The following STARD13 variants were observed in gnomAD, a reference collection of about 807,000 sequenced individuals.
The protein encoded by STARD13 is stAR-related lipid transfer protein 13.
STARD13 carries 62 observed loss-of-function variants against 106.4 expected under a neutral mutation model. The ratio of observed to expected loss-of-function variants is 0.58; its 90% CI spans 0.48 to 0.72. The LOEUF (loss-of-function observed/expected upper bound fraction) is 0.72, where lower values mean the gene tolerates loss of function less well. STARD13 is among the 30% of genes least tolerant of loss of function. The probability of loss-of-function intolerance (pLI) is 0.00; values close to 1 mark genes in which losing one functional copy is unlikely to be tolerated. For synonymous variants in STARD13, 565 were observed against 553.0 expected (o/e 1.02, Z -0.31); for missense variants, 1,387 against 1,424.0 (o/e 0.97, Z 0.42).
chr13:33,648,157 A>C, the STARD13 span, among the ~76,000 whole-genome samples: 1 of 152,254 alleles, frequency 6.6e-6, no homozygotes, highest in Non-Finnish European at 1.5e-5. Context: ...AAAAAGGCAT[A>C]TTATATTATC....
the STARD13 span, among the ~76,000 whole-genome samples, chr13:33,602,884 C>A: frequency 1.3e-5 from 2 of 152,278 alleles, no homozygotes; most frequent in East Asian, 3.9e-4. Flanking sequence ...TCCCCCTGGT[C>A]CCCCAACCCC....
chr13:33,108,108 T>C (rs1468286725), intron 12 of STARD13, among the ~76,000 whole-genome samples: 2 of 152,186 alleles, frequency 1.3e-5, no homozygotes. Context: ...TTGGGATAAA[T>C]GGGAGAATCT....
At chr13:33,639,686 T>C in the STARD13 span, among the ~76,000 whole-genome samples, 2 of 152,256 alleles carry the variant, frequency 1.3e-5, no homozygotes, top group Non-Finnish European at 2.9e-5. Flanking sequence ...CTTACTCCTG[T>C]GCCAATCACC....
At chr13:33,600,602 T>C in the STARD13 span, among the ~76,000 whole-genome samples, 93 of 152,216 alleles carry the variant, frequency 6.1e-4, no homozygotes, top group Admixed American at 3.3e-4. Context: ...ACGGTATTCC[T>C]ATTCAATTTG....
At chr13:33,433,638 T>C in the STARD13 span, among the ~76,000 whole-genome samples, 2 of 152,222 alleles carry the variant, frequency 1.3e-5, no homozygotes, top group African/African-American at 2.4e-5. Context: ...TCTGTAGTTT[T>C]GTTTTTCAGA....
At chr13:33,204,079 C>A (rs539200518) in intron 1 of STARD13, among the ~76,000 whole-genome samples, 1 of 152,212 alleles carries the variant, frequency 6.6e-6, no homozygotes, top group Admixed American at 6.5e-5. Flanking sequence ...ACTGTTACCT[C>A]GGTCCTTGAA....
At chr13:33,521,539 T>G in the STARD13 span, among the ~76,000 whole-genome samples, 1 of 152,118 alleles carries the variant, frequency 6.6e-6, no homozygotes, top group Non-Finnish European at 1.5e-5. Context: ...CCAGCTTGCA[T>G]GCTGCCTGTT....
At chr13:33,165,038 ACT>A (rs1883160343) in intron 3 of STARD13, among the ~76,000 whole-genome samples, 1 of 151,594 alleles carries the variant, frequency 6.6e-6, no homozygotes, top group African/African-American at 2.4e-5. Flanking sequence ...TAGCATTTAT[ACT>A]CTCTGAAATA....
the STARD13 span, among the ~76,000 whole-genome samples, chr13:33,621,225 G>C: frequency 1.7e-4 from 25 of 150,906 alleles, no homozygotes; most frequent in East Asian, 4.0e-3. Flanking sequence ...GCAAGAAAAA[G>C]TGAAAACAAA....
the STARD13 span, among the ~76,000 whole-genome samples, chr13:33,666,767 T>G: frequency 6.6e-6 from 1 of 152,114 alleles, no homozygotes; most frequent in Non-Finnish European, 1.5e-5. Context: ...ATTTTTTGTA[T>G]TTTTAGTAGA....
chr13:33,327,090 G>GA (rs1416444697), intron 1 of STARD13, among the ~76,000 whole-genome samples: 1 of 152,148 alleles, frequency 6.6e-6, no homozygotes, highest in African/African-American at 2.4e-5. Flanking sequence ...TTTCCCTTGA[G>GA]AAAAATGGTG....
At chr13:33,519,214 T>C in the STARD13 span, among the ~76,000 whole-genome samples, 21,076 of 76,218 alleles carry the variant, frequency 0.28, 1,781 homozygotes, top group African/African-American at 0.41. Context: ...AATTTTTTCT[T>C]TCTTTCTTTC....
At chr13:33,371,214 G>T in the STARD13 span, among the ~76,000 whole-genome samples, 1 of 152,100 alleles carries the variant, frequency 6.6e-6, no homozygotes, top group South Asian at 2.1e-4. Context: ...CTCTAGAAGA[G>T]GTCAGCACTT....
At chr13:33,204,852 T>C (rs1887301790) in intron 1 of STARD13, among the ~76,000 whole-genome samples, 1 of 152,246 alleles carries the variant, frequency 6.6e-6, no homozygotes, top group Non-Finnish European at 1.5e-5. Flanking sequence ...CACTGAGTGG[T>C]TTCTACTTTG....
chr13:33,139,310 G>A (rs1356589755), intron 4 of STARD13, among the ~76,000 whole-genome samples: 1 of 152,234 alleles, frequency 6.6e-6, no homozygotes, highest in Admixed American at 6.5e-5. Context: ...TGCTATTTCT[G>A]TGTGGCTTTG....
At chr13:33,431,511 TA>T in the STARD13 span, among the ~76,000 whole-genome samples, 1 of 152,230 alleles carries the variant, frequency 6.6e-6, no homozygotes, top group Non-Finnish European at 1.5e-5. Context: ...TGTTGTGGAA[TA>T]GATGTCTTTG....
At chr13:33,119,557 G>A (rs1290165095) in intron 7 of STARD13, among the ~76,000 whole-genome samples, 1 of 152,216 alleles carries the variant, frequency 6.6e-6, no homozygotes, top group Non-Finnish European at 1.5e-5. Context: ...TTAAATTGTG[G>A]TAACAGCAGG....
Position 33,295,667 on chromosome 13 carries a change from G to A in STARD13, c.124+54623C>T, listed in dbSNP as rs538869386. Among the ~76,000 whole-genome samples, 77 of 152,218 alleles carry A rather than the reference G, an allele frequency of 5.1e-4. 3 individuals are homozygous for A. In the South Asian group the frequency reaches 0.014, roughly 28 times the overall value. On this transcript the variant is annotated intron_variant, in intron 1 of 5. Transcript: ENST00000567873. ...AGGACAGTTACAATTATAGGACTGC[G>A]TTGCTGGTGCTATGACAGAGGTGTG...
In STARD13 at chr13:33,126,297, G is replaced by T; in HGVS notation, c.1923-57C>A. 8.3e-6 allele frequency: 13 copies of T among 1,566,864 alleles called. No individual in the cohort carries two copies. In the South Asian group the frequency reaches 1.5e-4, roughly 18 times the overall value. On this transcript the variant is annotated intron_variant, in intron 6 of 13. Coordinates refer to ENST00000336934, the MANE Select transcript of STARD13 (RefSeq NM_178006.4). ...CTCCTGGGTCACACTGTGGGGTGAG[G>T]CTCTGGAAGCAAGCATGAGGGAAGC...
Sources: gnomAD v4.1 joint callset for allele counts (sites outside exome capture counted in the v4.1 genomes callset) on GRCh38, gnomAD v4.1.1 for gene constraint, MANE v1.5 for transcripts, NCBI Gene and HGNC (gene_info 2026-07-23, HGNC 2026-07-21) for gene names.